The following ANKS1B variants were observed in gnomAD, a reference collection of about 807,000 sequenced individuals.
ANKS1B encodes the protein ankyrin repeat and sterile alpha motif domain containing 1B.
A neutral mutation model predicts 148.3 loss-of-function variants in ANKS1B; 36 were observed. The ratio of observed to expected loss-of-function variants is 0.24; its 90% CI spans 0.19 to 0.32. ANKS1B has a LOEUF of 0.32. ANKS1B is among the 10% of genes least tolerant of loss of function. The probability of loss-of-function intolerance (pLI) is 1.00; values close to 1 mark genes in which losing one functional copy is unlikely to be tolerated. For synonymous variants in ANKS1B, 542 were observed against 560.8 expected (o/e 0.97, Z 0.47); for missense variants, 1,157 against 1,542.6 (o/e 0.75, Z 4.19).
chr12:99,974,454 T>C (rs2095600859), intron 1 of ANKS1B, among the ~76,000 whole-genome samples: 1 of 152,184 alleles, frequency 6.6e-6, no homozygotes. Context: ...AATGGGTTTA[T>C]ATAATCCAAT....
intron 12 of ANKS1B, among the ~76,000 whole-genome samples, chr12:99,319,448 C>A (rs941501207): frequency 3.3e-5 from 5 of 152,098 alleles, no homozygotes; most frequent in African/African-American, 1.2e-4. Flanking sequence ...CTCTTTTGAT[C>A]TTTGTTGGTT....
intron 15 of ANKS1B, among the ~76,000 whole-genome samples, chr12:99,139,543 G>A (rs1017515942): frequency 1.4e-5 from 2 of 142,362 alleles, no homozygotes; most frequent in Non-Finnish European, 1.5e-5. Flanking sequence ...CTTCCAAACT[G>A]GCTGGGATTA....
chr12:99,232,860 A>G (rs2087112715), intron 14 of ANKS1B, among the ~76,000 whole-genome samples: 1 of 152,102 alleles, frequency 6.6e-6, no homozygotes, highest in Non-Finnish European at 1.5e-5. Flanking sequence ...TACTCTGATA[A>G]AAAGGCAAGA....
chr12:99,348,900 G>C (rs2091075331), intron 12 of ANKS1B, among the ~76,000 whole-genome samples: 1 of 151,870 alleles, frequency 6.6e-6, no homozygotes, highest in Non-Finnish European at 1.5e-5. Context: ...ATAACAAACA[G>C]TATTATTGTA....
At chr12:99,756,140 G>A (rs1368167295) in intron 8 of ANKS1B, among the ~76,000 whole-genome samples, 1 of 151,084 alleles carries the variant, frequency 6.6e-6, no homozygotes, top group East Asian at 2.0e-4. Context: ...AATAGGAAGA[G>A]AGGAAGTAAA....
chr12:99,110,356 C>T (rs1474263579), intron 15 of ANKS1B, among the ~76,000 whole-genome samples: 1 of 152,084 alleles, frequency 6.6e-6, no homozygotes, highest in Non-Finnish European at 1.5e-5. Flanking sequence ...AAGCCTACTG[C>T]AGTTGGGAAT....
chr12:99,129,289 C>G (rs2065360001), intron 15 of ANKS1B, among the ~76,000 whole-genome samples: 1 of 152,144 alleles, frequency 6.6e-6, no homozygotes, highest in South Asian at 2.1e-4. Context: ...ATACATCTGT[C>G]AATGCATAGC....
intron 17 of ANKS1B, among the ~76,000 whole-genome samples, chr12:98,932,109 CAGACCAGGGAAG>C (rs1412684469): frequency 5.9e-5 from 9 of 152,176 alleles, no homozygotes; most frequent in Non-Finnish European, 1.2e-4. Flanking sequence ...TGTGGTTCTC[CAGACCAGGGAAG>C]AGACCAGGGG....
intron 14 of ANKS1B, among the ~76,000 whole-genome samples, chr12:99,167,563 T>C (rs919189080): frequency 2.0e-5 from 3 of 152,142 alleles, no homozygotes; most frequent in Non-Finnish European, 4.4e-5. Flanking sequence ...CATTGCCAAA[T>C]GATGCGAATT....
At chr12:98,952,320 C>G (rs1473548767) in intron 17 of ANKS1B, among the ~76,000 whole-genome samples, 1 of 152,220 alleles carries the variant, frequency 6.6e-6, no homozygotes, top group Non-Finnish European at 1.5e-5. Context: ...GCACTGGAAC[C>G]TTGGCCTCCT....
chr12:98,875,393 C>G (rs1423732769), intron 17 of ANKS1B, among the ~76,000 whole-genome samples: 1 of 152,170 alleles, frequency 6.6e-6, no homozygotes, highest in African/African-American at 2.4e-5. Context: ...AGTGTTCAAG[C>G]CCTTGAGGAT....
At chr12:99,133,438 C>T (rs1311981742) in intron 15 of ANKS1B, among the ~76,000 whole-genome samples, 2 of 152,098 alleles carry the variant, frequency 1.3e-5, no homozygotes, top group Non-Finnish European at 2.9e-5. Context: ...AAGAACCATC[C>T]TTTCCTTTTA....
chr12:99,041,838 A>G lies in ANKS1B; in HGVS notation c.2778+11319T>C, dbSNP rs1396340001. On this transcript the variant is annotated intron_variant, in intron 17 of 26. Transcript: ENST00000683438. ...TAACATAAGGAAACACCGTCTCTACAAATAATAAAAATAAATTAGTCAGGT... is the reference window on the plus strand; with the variant it reads ...TAACATAAGGAAACACCGTCTCTACGAATAATAAAAATAAATTAGTCAGGT... Among the ~76,000 whole-genome samples the G allele has an allele frequency of 7.2e-5, 11 of 152,016 alleles. 1 individual carries two copies. The highest frequency in any genetic ancestry group is 1.2e-4 in the African/African-American group (5 of 41,374).
intron 17 of ANKS1B, among the ~76,000 whole-genome samples, chr12:99,019,784 C>T (rs997118690): frequency 6.6e-6 from 1 of 152,024 alleles, no homozygotes; most frequent in Admixed American, 6.6e-5. Flanking sequence ...TTTGAGAATT[C>T]AGGAATAAAA....
chr12:99,082,338 C>T (rs73386592), intron 16 of ANKS1B, among the ~76,000 whole-genome samples: 11,673 of 152,102 alleles, frequency 0.077, 1,078 homozygotes, highest in African/African-American at 0.21. Flanking sequence ...CATGAAGGCC[C>T]CTGTGAAGAT....
chr12:99,412,122 T>C (rs1004237477), intron 11 of ANKS1B, among the ~76,000 whole-genome samples: 4 of 152,228 alleles, frequency 2.6e-5, no homozygotes, highest in Non-Finnish European at 4.4e-5. Context: ...ATTAACTTTA[T>C]AAGTTCAATC....
chr12:99,285,957 A>G (rs1310440893), intron 12 of ANKS1B, among the ~76,000 whole-genome samples: 2 of 152,134 alleles, frequency 1.3e-5, no homozygotes. Flanking sequence ...AGTTCTAAAT[A>G]AACTTGAAAG....
intron 9 of ANKS1B, among the ~76,000 whole-genome samples, chr12:99,618,700 A>G (rs937385015): frequency 6.6e-6 from 1 of 152,028 alleles, no homozygotes; most frequent in Non-Finnish European, 1.5e-5. Flanking sequence ...TAACTTGGGA[A>G]GGGGCTTAGA....
intron 2 of ANKS1B, among the ~76,000 whole-genome samples, chr12:99,823,105 G>A (rs2082706181): frequency 6.6e-6 from 1 of 152,012 alleles, no homozygotes; most frequent in Admixed American, 6.6e-5. Context: ...AGAAGTGTCT[G>A]TTCACGTCTT....
Sources: allele counts gnomAD v4.1 joint callset (sites outside exome capture counted in the v4.1 genomes callset), GRCh38; gene constraint gnomAD v4.1.1; transcripts MANE v1.5; gene names NCBI Gene and HGNC (gene_info 2026-07-23, HGNC 2026-07-21).